The following COL19A1 variants were observed in gnomAD, a reference collection of about 807,000 sequenced individuals.
The protein encoded by COL19A1 is collagen alpha-1(XIX) chain.
In COL19A1, 159 loss-of-function variants were observed where a neutral mutation model predicts 190.2. That is an observed-to-expected ratio of 0.84 (90% CI 0.73 to 0.95). COL19A1 has a LOEUF of 0.95. Among genes scored for constraint, COL19A1 ranks in the 40% least tolerant of loss-of-function variants. COL19A1 has a pLI of 0.00. For missense variants in COL19A1, 1,418 were observed against 1,431.9 expected, an observed-to-expected ratio of 0.99 and a Z score of 0.16; for synonymous variants, 509 against 458.9, an observed-to-expected ratio of 1.11 and a Z score of -1.39.
intron 16 of COL19A1, among the ~76,000 whole-genome samples, chr6:70,105,438 G>T (rs1582922602): frequency 6.6e-6 from 1 of 152,176 alleles, no homozygotes; most frequent in Admixed American, 6.6e-5. Flanking sequence ...TTACAGGTGT[G>T]AGCCACCGTG....
At chr6:69,964,039 G>A (rs916394711) in intron 11 of COL19A1, among the ~76,000 whole-genome samples, 3 of 152,266 alleles carry the variant, frequency 2.0e-5, no homozygotes, top group East Asian at 1.9e-4. Context: ...TACATCAAAT[G>A]TATGTATGGA....
chr6:70,060,429 G>C (rs1388420673), intron 14 of COL19A1, among the ~76,000 whole-genome samples: 1 of 152,166 alleles, frequency 6.6e-6, no homozygotes, highest in African/African-American at 2.4e-5. Context: ...CAGCCTGTTA[G>C]GAACCGGACC....
At chr6:69,992,260 C>T (rs1776668629) in intron 11 of COL19A1, among the ~76,000 whole-genome samples, 1 of 151,864 alleles carries the variant, frequency 6.6e-6, no homozygotes, top group Non-Finnish European at 1.5e-5. Context: ...GGTCTATGTG[C>T]TTGTTTTTGT....
intron 9 of COL19A1, among the ~76,000 whole-genome samples, chr6:69,947,632 TTG>T (rs1304479143): frequency 2.6e-5 from 4 of 151,860 alleles, no homozygotes; most frequent in African/African-American, 9.7e-5. Flanking sequence ...AGTGAGTCCA[TTG>T]TGTCATTATC....
At chr6:70,102,538 A>C (rs1004883776) in intron 16 of COL19A1, among the ~76,000 whole-genome samples, 2 of 152,126 alleles carry the variant, frequency 1.3e-5, no homozygotes, top group Non-Finnish European at 2.9e-5. Context: ...CCTGTTCTGA[A>C]CCTACCTGAA....
At chr6:69,900,549 C>T (rs902699981) in intron 4 of COL19A1, among the ~76,000 whole-genome samples, 1 of 151,904 alleles carries the variant, frequency 6.6e-6, no homozygotes, top group Non-Finnish European at 1.5e-5. Flanking sequence ...TTTATATGTA[C>T]AGAAAAAGGC....
In COL19A1 at chr6:70,160,183, C is replaced by T. The variant is rs573763061; in HGVS notation, c.2293-1717C>T. Among the ~76,000 whole-genome samples the T allele has an allele frequency of 5.3e-5, 8 of 152,136 alleles. No homozygotes were observed. In the South Asian group the frequency reaches 1.5e-3, roughly 28 times the overall value. On this transcript the variant is annotated intron_variant, in intron 34 of 50. Transcript: ENST00000620364. ...GAGGTTTAATTGACCCACAGCTCCACGTGGCTGGGGAGGCCTCAGGAAACT... is the reference window on the plus strand; with the variant it reads ...GAGGTTTAATTGACCCACAGCTCCATGTGGCTGGGGAGGCCTCAGGAAACT...
chr6:70,027,241 G>A (rs905829110), intron 12 of COL19A1, among the ~76,000 whole-genome samples: 7 of 152,018 alleles, frequency 4.6e-5, no homozygotes, highest in African/African-American at 1.4e-4. Flanking sequence ...AGTCTTTATT[G>A]CTGTGTATTA....
At chr6:70,166,290 T>C (rs1372626257) in intron 37 of COL19A1, among the ~76,000 whole-genome samples, 1 of 152,206 alleles carries the variant, frequency 6.6e-6, no homozygotes, top group East Asian at 1.9e-4. Flanking sequence ...TTAACCTTAA[T>C]GTGCTTCATT....
At chr6:69,880,496 T>C (rs1381228529) in intron 2 of COL19A1, among the ~76,000 whole-genome samples, 2 of 152,328 alleles carry the variant, frequency 1.3e-5, no homozygotes, top group East Asian at 3.9e-4. Context: ...TGCCTATTGT[T>C]TTGAATATTT....
intron 11 of COL19A1, among the ~76,000 whole-genome samples, chr6:69,992,058 A>G (rs1054851016): frequency 6.6e-6 from 1 of 152,080 alleles, no homozygotes; most frequent in Non-Finnish European, 1.5e-5. Flanking sequence ...TCTTTAATTC[A>G]TCTTAAGTTG....
chr6:70,196,678 A>C (rs1393819479), intron 48 of COL19A1, among the ~76,000 whole-genome samples: 8 of 152,212 alleles, frequency 5.3e-5, no homozygotes, highest in Non-Finnish European at 1.2e-4. Context: ...TGTTAGAGTG[A>C]CTGCTGTGGC....
At chr6:69,979,781 A>G (rs1201875228) in intron 11 of COL19A1, among the ~76,000 whole-genome samples, 5 of 151,644 alleles carry the variant, frequency 3.3e-5, no homozygotes, top group Non-Finnish European at 7.4e-5. Flanking sequence ...GATTTTGTTT[A>G]TTTTAGCCTT....
intron 15 of COL19A1, among the ~76,000 whole-genome samples, chr6:70,091,040 A>T (rs987674611): frequency 2.6e-5 from 4 of 152,146 alleles, no homozygotes; most frequent in African/African-American, 7.2e-5. Flanking sequence ...CTAAAACAGC[A>T]CACCTTCCTG....
At chr6:69,904,000 T>C (rs1770358761) in intron 4 of COL19A1, among the ~76,000 whole-genome samples, 2 of 152,282 alleles carry the variant, frequency 1.3e-5, no homozygotes, top group South Asian at 4.1e-4. Context: ...ATTGTCAACC[T>C]CCCATCAAGG....
intron 14 of COL19A1, among the ~76,000 whole-genome samples, chr6:70,062,236 C>T (rs1780880415): frequency 6.6e-6 from 1 of 151,914 alleles, no homozygotes; most frequent in Non-Finnish European, 1.5e-5. Context: ...ATTTTTTGTA[C>T]TAACACTTTA....
At position 70,142,670 on chromosome 6, in the gene COL19A1, C is replaced by A. The variant is rs151229684; in HGVS notation, c.1573-97C>A. 2.9e-4 allele frequency: 307 copies of A among 1,044,762 alleles called. 1 individual carries two copies. The African/African-American group carries it at 4.4e-3, about 15-fold the overall frequency. The allele number at this position is 1,044,762 out of a possible 1,614,324, so 64.7% of individuals were successfully genotyped here. ...ATGGTGGAAAGTTGGTCTTCCTATA[C>A]ATGAAGATCACACTATTCTTTACAA... On this transcript the variant is annotated intron_variant, in intron 22 of 50. Coordinates refer to ENST00000620364, the MANE Select transcript of COL19A1 (RefSeq NM_001858.6).
chr6:70,085,447 G>T (rs1782521292), intron 15 of COL19A1, among the ~76,000 whole-genome samples: 1 of 152,204 alleles, frequency 6.6e-6, no homozygotes, highest in Non-Finnish European at 1.5e-5. Context: ...TTAGTAAAGT[G>T]CTGAATAAAT....
intron 9 of COL19A1, among the ~76,000 whole-genome samples, chr6:69,947,415 GT>G (rs1773885834): frequency 6.6e-6 from 1 of 151,608 alleles, no homozygotes; most frequent in South Asian, 2.1e-4. Flanking sequence ...TTCAACTTCA[GT>G]TTTTGTAGAA....
Sources: gnomAD v4.1 joint callset for allele counts (sites outside exome capture counted in the v4.1 genomes callset) on GRCh38, gnomAD v4.1.1 for gene constraint, MANE v1.5 for transcripts, NCBI Gene and HGNC (gene_info 2026-07-23, HGNC 2026-07-21) for gene names.